The following MSTN variants were observed in gnomAD, a reference collection of about 807,000 sequenced individuals.
MSTN encodes the protein growth/differentiation factor 8.
A neutral mutation model predicts 32.3 loss-of-function variants in MSTN; 12 were observed. That is an observed-to-expected ratio of 0.37 (90% CI 0.24 to 0.60). The LOEUF is 0.60. MSTN is among the 20% of genes least tolerant of loss of function. The probability of loss-of-function intolerance (pLI) is 0.67; values close to 1 mark genes in which losing one functional copy is unlikely to be tolerated. For synonymous variants in MSTN, 168 were observed against 155.1 expected (o/e 1.08, Z -0.62); for missense variants, 403 against 450.3 (o/e 0.89, Z 0.95).
intron 2 of MSTN, 141 bp from the exon 3 acceptor site, chr2:190,057,779 G>A: frequency 3.5e-6 from 3 of 856,500 alleles, no homozygotes; most frequent in Non-Finnish European, 5.5e-6. Flanking sequence ...CAGCATTAAG[G>A]AATGTTAATT....
Position 190,062,328 on chromosome 2 carries a change from A to C in MSTN, c.269T>G (p.Leu90Arg). 6.2e-7 allele frequency: 1 copy of C among 1,613,382 alleles called. No individual in the cohort carries two copies. Residue 90 changes from leucine (L) to arginine (R), a missense_variant, in exon 1 of 3, where the codon CTG becomes CGG. Leu to Arg is a moderately radical substitution (Grantham distance 102). Coordinates refer to ENST00000260950, the MANE Select transcript of MSTN (RefSeq NM_005259.3). Reference sequence around the variant, plus strand: ...CCTCTGGACATCATACTGATCAATCAGTTCCCGGAGTGGAGGAGCTTTGGG... The same window carrying C: ...CCTCTGGACATCATACTGATCAATCCGTTCCCGGAGTGGAGGAGCTTTGGG... ...LLPKAPPLRE[L>R]IDQYDVQRDD...
Position 190,057,155 on chromosome 2 carries a change from A to G in MSTN, c.*103T>C. ...TAGCTTATGCTTAAGTGACTGTAGCATACTCTAGGCCTATAGCCTGTGGTA... is the reference window on the plus strand; with the variant it reads ...TAGCTTATGCTTAAGTGACTGTAGCGTACTCTAGGCCTATAGCCTGTGGTA... On this transcript the variant is annotated 3_prime_UTR_variant, in exon 3 of 3. Transcript: ENST00000260950. The G allele has an allele frequency of 1.6e-6, 2 of 1,253,962 alleles. No homozygotes were observed. Among genetic ancestry groups the G allele is most frequent in the South Asian group, 1.3e-5 (1 of 77,328 alleles). The allele number at this position is 1,253,962 out of a possible 1,614,324, so 77.7% of individuals were successfully genotyped here. A position where few individuals can be genotyped will look rare whatever the true frequency, so the allele number is the denominator to read the frequency against.
chr2:190,058,993 T>A (rs925634845), intron 2 of MSTN, among the ~76,000 whole-genome samples: 2 of 151,656 alleles, frequency 1.3e-5, no homozygotes, highest in African/African-American at 4.8e-5. Context: ...AAAACATGTG[T>A]GTGTGTGTAT....
chr2:190,059,038 TAAA>T (rs1341612592), intron 2 of MSTN, among the ~76,000 whole-genome samples: 2 of 151,388 alleles, frequency 1.3e-5, no homozygotes, highest in Non-Finnish European at 2.9e-5. Context: ...AATAAAGTAA[TAAA>T]AATGAAAAAA....
At position 190,060,262 on chromosome 2, in the gene MSTN, C is replaced by G. The variant is rs749141789; in HGVS notation, c.547G>C (p.Gly183Arg). Residue 183 changes from glycine to arginine, a missense_variant, in exon 2 of 3, where the codon GGT becomes CGT. Physicochemically the swap from Gly to Arg is moderately radical, Grantham distance 125. Transcript: ENST00000260950. ...ILRLIKPMKDGTRYTGIRSLK... is the reference protein window; with the variant it reads ...ILRLIKPMKDRTRYTGIRSLK... The stretch of plus-strand genomic sequence containing the variant: ...GATCGGATTCCAGTATACCTTGTAC[C>G]GTCTTTCATAGGTTTGATGAGTCTC... 2.0e-5 allele frequency: 33 copies of G among 1,612,978 alleles called. No individual in the cohort carries two copies. Among genetic ancestry groups the G allele is most frequent in the South Asian group, 3.3e-5 (3 of 91,038 alleles).
chr2:190,057,855 G>C (rs1287736393), intron 2 of MSTN, among the ~76,000 whole-genome samples: 1 of 152,010 alleles, frequency 6.6e-6, no homozygotes, highest in South Asian at 2.1e-4. Context: ...TTCCCCTAAG[G>C]TCAGTACCAT....
rs1277618738 is a variant in MSTN at position 190,062,519 on chromosome 2, G to A, written c.78C>T (p.Asn26=). 6.2e-7 allele frequency: 1 copy of A among 1,613,304 alleles called. No individual in the cohort carries two copies. Among genetic ancestry groups the A allele is most frequent in the Admixed American group, 1.7e-5 (1 of 59,908 alleles). The part of the protein sequence containing the change: ...IVAGPVDLNE[N]SEQKENVEKE... Reference sequence around the variant, plus strand: ...TTTCCACATTTTCTTTTTGCTCACTGTTCTCATTTAGATCCACTGGACCAG... The same window carrying A: ...TTTCCACATTTTCTTTTTGCTCACTATTCTCATTTAGATCCACTGGACCAG... The change falls in exon 1 of 3, where the codon AAC becomes AAT. Residue 26 remains asparagine, a synonymous_variant. Transcript: ENST00000260950.
At chr2:190,059,386 C>A (rs1334076877) in intron 2 of MSTN, among the ~76,000 whole-genome samples, 2 of 151,872 alleles carry the variant, frequency 1.3e-5, no homozygotes, top group Non-Finnish European at 2.9e-5. Context: ...AATTTTTGCA[C>A]AAGAATGCTA....
intron 2 of MSTN, 41 bp from the exon 3 acceptor site, chr2:190,057,679 C>G (rs754885423): frequency 6.2e-6 from 10 of 1,604,046 alleles, no homozygotes; most frequent in Non-Finnish European, 8.5e-6. Context: ...ATCAATAGGC[C>G]TGGAAACACT....
Position 190,060,297 on chromosome 2 carries a change from A to C in MSTN, c.512T>G (p.Val171Gly). 1 of 1,613,138 alleles carries C rather than the reference A, an allele frequency of 6.2e-7. No homozygotes were observed. Among genetic ancestry groups the C allele is most frequent in the Non-Finnish European group, 8.5e-7 (1 of 1,179,312 alleles). Residue 171 changes from valine to glycine, a missense_variant, in exon 2 of 3, where the codon GTG becomes GGG. Val to Gly is a moderately radical substitution (Grantham distance 109). Coordinates refer to ENST00000260950, the MANE Select transcript of MSTN (RefSeq NM_005259.3). ...RPVETPTTVF[V>G]QILRLIKPMK... ...AGGTTTGATGAGTCTCAGGATTTGC[A>C]CAAACACTGTTGTAGGAGTCTCGAC...
intron 1 of MSTN, among the ~76,000 whole-genome samples, chr2:190,061,294 A>T (rs891069775): frequency 6.6e-6 from 1 of 151,902 alleles, no homozygotes; most frequent in Non-Finnish European, 1.5e-5. Flanking sequence ...GTAACACAAA[A>T]TTTTTCTTGC....
intron 2 of MSTN, among the ~76,000 whole-genome samples, chr2:190,058,298 C>A (rs1205939841): frequency 6.6e-6 from 1 of 151,968 alleles, no homozygotes; most frequent in African/African-American, 2.4e-5. Context: ...ATGAAAAAAT[C>A]TGAGGAACAC....
At chr2:190,061,220 A>G (rs999666686) in intron 1 of MSTN, among the ~76,000 whole-genome samples, 3 of 152,048 alleles carry the variant, frequency 2.0e-5, no homozygotes, top group Admixed American at 2.0e-4. Flanking sequence ...GGGAAATAAT[A>G]TTTTAAAACT....
intron 1 of MSTN, among the ~76,000 whole-genome samples, chr2:190,061,762 G>C (rs1685601596): frequency 6.6e-6 from 1 of 150,622 alleles, no homozygotes; most frequent in South Asian, 2.1e-4. Flanking sequence ...TCAAATAACA[G>C]AAATCACTTG....
chr2:190,062,652 C>A lies in MSTN; in HGVS notation c.-56G>T. On this transcript the variant is annotated 5_prime_UTR_variant, in exon 1 of 3. Transcript: ENST00000260950. ...GTTCTTGTTTCTTCCTTTTACTTTT[C>A]TTTTGCTTTTGAGTAATGCCAAGCA... 1.3e-6 allele frequency: 2 copies of A among 1,570,270 alleles called. No individual in the cohort carries two copies. The highest frequency in any genetic ancestry group is 2.3e-5 in the East Asian group (1 of 44,018).
At chr2:190,061,889 A>G (rs1238853761) in intron 1 of MSTN, among the ~76,000 whole-genome samples, 1 of 151,944 alleles carries the variant, frequency 6.6e-6, no homozygotes, top group Non-Finnish European at 1.5e-5. Context: ...AATCTAATGT[A>G]AGTTTTAAAC....
At position 190,057,106 on chromosome 2, in the gene MSTN, T is replaced by G; in HGVS notation, c.*152A>C. 1 of 737,816 alleles carries G rather than the reference T, an allele frequency of 1.4e-6. No individual in the cohort carries two copies. Among genetic ancestry groups the G allele is most frequent in the Non-Finnish European group, 2.2e-6 (1 of 455,586 alleles). The allele number at this position is 737,816 out of a possible 1,614,324, so 45.7% of individuals were successfully genotyped here. Reference sequence around the variant, plus strand: ...GGTTAAATGCCAACCATTGCATATATTCCCCCTTTTAGTTTACATACTGTA... The same window carrying G: ...GGTTAAATGCCAACCATTGCATATAGTCCCCCTTTTAGTTTACATACTGTA... On this transcript the variant is annotated 3_prime_UTR_variant, in exon 3 of 3. Coordinates refer to ENST00000260950, the MANE Select transcript of MSTN (RefSeq NM_005259.3).
intron 1 of MSTN, among the ~76,000 whole-genome samples, chr2:190,060,959 G>A (rs1160758551): frequency 6.6e-6 from 1 of 151,962 alleles, no homozygotes; most frequent in African/African-American, 2.4e-5. Flanking sequence ...TTTGGCTTTG[G>A]AATAACCTTT....
At chr2:190,058,796 T>C (rs1490722379) in intron 2 of MSTN, among the ~76,000 whole-genome samples, 1 of 151,932 alleles carries the variant, frequency 6.6e-6, no homozygotes, top group Admixed American at 6.6e-5. Flanking sequence ...AAGCTATGCG[T>C]ACGCAAAGAC....
Sources: allele counts gnomAD v4.1 joint callset (sites outside exome capture counted in the v4.1 genomes callset), GRCh38; gene constraint gnomAD v4.1.1; transcripts MANE v1.5; gene names NCBI Gene and HGNC (gene_info 2026-07-23, HGNC 2026-07-21).